MARCHF7: variants seen among roughly 807,000 people sequenced by gnomAD.
MARCHF7 encodes membrane associated ring-CH-type finger 7.
In MARCHF7, 20 loss-of-function variants were observed where a neutral mutation model predicts 76.5. That is an observed-to-expected ratio of 0.26 (90% CI 0.18 to 0.38). The LOEUF (loss-of-function observed/expected upper bound fraction) is 0.38, where lower values mean the gene tolerates loss of function less well. Among genes scored for constraint, MARCHF7 ranks in the 10% least tolerant of loss-of-function variants. The pLI is 1.00. For missense variants in MARCHF7, 797 were observed against 812.9 expected, an observed-to-expected ratio of 0.98 and a Z score of 0.24; for synonymous variants, 295 against 293.0, an observed-to-expected ratio of 1.01 and a Z score of -0.07.
At position 159,767,545 on chromosome 2, in the gene MARCHF7, A is replaced by T; in HGVS notation, c.*203A>T. On this transcript the variant is annotated 3_prime_UTR_variant, in exon 12 of 12. Coordinates refer to ENST00000409175, the MANE Select transcript of MARCHF7 (RefSeq NM_001282805.2). ...AAAATTCTGCTGGACTTTTTAACAT[A>T]GCAAATCCGATGTTTATAAACTGGT... is the stretch of plus-strand genomic sequence containing the variant. The T allele has an allele frequency of 1.2e-5, 5 of 430,408 alleles. No homozygotes were observed. The highest frequency in any genetic ancestry group is 2.1e-5 in the Non-Finnish European group (5 of 243,874). 26.7% of individuals were successfully genotyped at this position (430,408 alleles called of 1,614,324 possible).
intron 9 of MARCHF7, among the ~76,000 whole-genome samples, chr2:159,761,491 T>C (rs1176366802): frequency 3.2e-5 from 4 of 125,932 alleles, no homozygotes; most frequent in African/African-American, 6.0e-5. Context: ...CTCGGCCAAC[T>C]GCAACCTCCA....
chr2:159,722,494 G>A (rs989528972), intron 3 of MARCHF7, among the ~76,000 whole-genome samples: 5 of 152,142 alleles, frequency 3.3e-5, no homozygotes, highest in African/African-American at 1.2e-4. Flanking sequence ...TGTGTAGTTT[G>A]TTCCATATTA....
At chr2:159,761,074 G>C (rs933313230) in intron 9 of MARCHF7, among the ~76,000 whole-genome samples, 1 of 147,558 alleles carries the variant, frequency 6.8e-6, no homozygotes, top group African/African-American at 2.5e-5. Flanking sequence ...TGCCCAGGCT[G>C]GAGTGCAGTG....
At chr2:159,721,338 C>T (rs993736857) in intron 3 of MARCHF7, among the ~76,000 whole-genome samples, 5 of 152,096 alleles carry the variant, frequency 3.3e-5, no homozygotes, top group African/African-American at 4.8e-5. Flanking sequence ...TTTTTCATAG[C>T]TAAAGCAAGC....
chr2:159,748,146 A>T lies in MARCHF7; in HGVS notation c.856A>T (p.Ile286Leu). The change falls in exon 7 of 12, where the codon ATA (isoleucine) becomes TTA (leucine). Residue 286 changes from isoleucine to leucine, a missense_variant. Coordinates refer to ENST00000409175, the MANE Select transcript of MARCHF7 (RefSeq NM_001282805.2). Reference protein sequence around the residue: ...RRTTRRLLSRIASSMSSTFFS... With the variant: ...RRTTRRLLSRLASSMSSTFFS... The stretch of plus-strand genomic sequence containing the variant: ...GACAACGAGGAGATTGCTGTCACGC[A>T]TAGCTTCTAGCATGTCATCTACTTT... The T allele has an allele frequency of 6.2e-7, 1 of 1,613,866 alleles. No individual in the cohort carries two copies. The highest frequency in any genetic ancestry group is 8.5e-7 in the Non-Finnish European group (1 of 1,179,902).
At chr2:159,721,514 T>A (rs1190854500) in intron 3 of MARCHF7, among the ~76,000 whole-genome samples, 1 of 152,230 alleles carries the variant, frequency 6.6e-6, no homozygotes, top group African/African-American at 2.4e-5. Flanking sequence ...AGCTGCATTA[T>A]CAGCTTCAGA....
intron 3 of MARCHF7, among the ~76,000 whole-genome samples, chr2:159,717,774 A>T (rs1701200318): frequency 1.3e-5 from 2 of 152,248 alleles, no homozygotes; most frequent in African/African-American, 4.8e-5. Context: ...CTAAGTATAA[A>T]GAAGAAAAAA....
intron 4 of MARCHF7, among the ~76,000 whole-genome samples, chr2:159,736,174 C>G (rs1170126915): frequency 2.0e-5 from 3 of 152,162 alleles, no homozygotes; most frequent in Non-Finnish European, 4.4e-5. Context: ...CCTCTGTGTT[C>G]AATCGTTTGG....
At chr2:159,762,822 T>C (rs576602076) in intron 9 of MARCHF7, 58 bp from the exon 10 acceptor site, 69 of 1,007,646 alleles carry the variant, frequency 6.8e-5, no homozygotes, top group Middle Eastern at 4.2e-4. Context: ...CAATCTCAAT[T>C]CTACTAATTT....
intron 10 of MARCHF7, among the ~76,000 whole-genome samples, chr2:159,763,613 G>A (rs977024829): frequency 6.6e-6 from 1 of 152,090 alleles, no homozygotes; most frequent in Admixed American, 6.6e-5. Context: ...CAAGGGCTAG[G>A]GTCTCTATGT....
intron 4 of MARCHF7, among the ~76,000 whole-genome samples, chr2:159,736,959 A>G (rs12623283): frequency 0.35 from 52,456 of 152,042 alleles, 9,253 homozygotes; most frequent in South Asian, 0.44. Flanking sequence ...TTCATATACC[A>G]TACAATTCAC....
intron 3 of MARCHF7, among the ~76,000 whole-genome samples, chr2:159,726,218 G>GGTTTT (rs71969424): frequency 0.019 from 2,487 of 127,842 alleles, 27 homozygotes; most frequent in Middle Eastern, 0.057. Context: ...TCCAGATACA[G>GGTTTT]GTTTTGTTTT....
intron 8 of MARCHF7, among the ~76,000 whole-genome samples, chr2:159,758,068 T>G (rs1467915186): frequency 6.6e-6 from 1 of 152,188 alleles, no homozygotes. Flanking sequence ...TTTTTGAATC[T>G]CCAAAACCTC....
rs183509467 is a variant in MARCHF7, at chr2:159,741,189, A to G, written c.154-1872A>G. 9.3e-4 allele frequency among the ~76,000 whole-genome samples: 142 copies of G among 152,296 alleles called. 2 individuals carry two copies. In the Middle Eastern group the frequency reaches 0.01, roughly 11 times the overall value. ...AGGAATTCAAGACCAGCTAGGCAACATGGTGAGACCCTGTCTCTACAAAAT... is the reference window on the plus strand; with the variant it reads ...AGGAATTCAAGACCAGCTAGGCAACGTGGTGAGACCCTGTCTCTACAAAAT... On this transcript the variant is annotated intron_variant, in intron 4 of 11. Coordinates refer to ENST00000409175, the MANE Select transcript of MARCHF7 (RefSeq NM_001282805.2).
chr2:159,738,435 C>T (rs967288587), intron 4 of MARCHF7, among the ~76,000 whole-genome samples: 4 of 152,124 alleles, frequency 2.6e-5, no homozygotes, highest in African/African-American at 4.8e-5. Flanking sequence ...TGGCGGGTCC[C>T]GAGTTCTTGT....
At chr2:159,731,026 A>G (rs1407713084) in intron 4 of MARCHF7, among the ~76,000 whole-genome samples, 1 of 152,104 alleles carries the variant, frequency 6.6e-6, no homozygotes, top group Non-Finnish European at 1.5e-5. Flanking sequence ...TCCAGCAGCT[A>G]GGACTGCAGG....
chr2:159,717,380 G>A (rs1329226418), intron 3 of MARCHF7, among the ~76,000 whole-genome samples: 1 of 152,148 alleles, frequency 6.6e-6, no homozygotes, highest in African/African-American at 2.4e-5. Flanking sequence ...TCATGCTTGG[G>A]ATTGCTTTAA....
intron 3 of MARCHF7, among the ~76,000 whole-genome samples, chr2:159,720,817 A>G (rs1410201732): frequency 6.6e-6 from 1 of 152,198 alleles, no homozygotes; most frequent in Non-Finnish European, 1.5e-5. Context: ...CCTGGGCTGC[A>G]AATCTGCACA....
At chr2:159,736,401 C>T (rs912466640) in intron 4 of MARCHF7, among the ~76,000 whole-genome samples, 3 of 152,052 alleles carry the variant, frequency 2.0e-5, no homozygotes, top group African/African-American at 4.8e-5. Context: ...GCTAATTGGC[C>T]GTTTACTGTA....
Sources: allele counts gnomAD v4.1 joint callset (sites outside exome capture counted in the v4.1 genomes callset), GRCh38; gene constraint gnomAD v4.1.1; transcripts MANE v1.5; gene names NCBI Gene and HGNC (gene_info 2026-07-23, HGNC 2026-07-21).